The following WFDC1 variants were observed in gnomAD, a reference collection of about 807,000 sequenced individuals.
The protein encoded by WFDC1 is WAP four-disulfide core domain protein 1.
In WFDC1, 39 loss-of-function variants were observed where a neutral mutation model predicts 32.9. The ratio of observed to expected loss-of-function variants is 1.19; its 90% confidence interval spans 0.92 to 1.55. The LOEUF is 1.55. Ranked by LOEUF, WFDC1 falls within the 40% of genes most tolerant of loss-of-function variation. The pLI is 0.00. For synonymous variants in WFDC1, 184 were observed against 137.4 expected (o/e 1.34, Z -2.37); for missense variants, 386 against 309.5 (o/e 1.25, Z -1.85).
At chr16:84,295,325 A>C in intron 1 of WFDC1, 1 of 577,214 alleles carries the variant, frequency 1.7e-6, no homozygotes, top group Non-Finnish European at 3.0e-6. Flanking sequence ...ATCAAGAGGC[A>C]AAAGACACAT....
At chr16:84,301,449 G>A (rs1906928168) in intron 1 of WFDC1, among the ~76,000 whole-genome samples, 1 of 152,198 alleles carries the variant, frequency 6.6e-6, no homozygotes, top group Admixed American at 6.5e-5. Flanking sequence ...TATATCCCCA[G>A]AGTCTGGGAG....
At position 84,295,302 on chromosome 16, in the gene WFDC1, C is replaced by A. The variant is rs527702582; in HGVS notation, c.144+187C>A. 10 of 643,766 alleles carry A rather than the reference C, an allele frequency of 1.6e-5. No individual in the cohort carries two copies. In the Admixed American group the frequency reaches 3.6e-4, roughly 23 times the overall value. 39.9% of individuals were successfully genotyped at this position (643,766 alleles called of 1,614,324 possible). On this transcript the variant is annotated intron_variant, in intron 1 of 6. Coordinates refer to ENST00000219454, the MANE Select transcript of WFDC1 (RefSeq NM_021197.4). ...GATGGGGCTCACCCCCAAAAAAGGA[C>A]CCTTATCTGTGAATCAAGAGGCAAA... is the stretch of plus-strand genomic sequence containing the variant.
intron 1 of WFDC1, among the ~76,000 whole-genome samples, chr16:84,306,827 C>G (rs920563761): frequency 1.3e-5 from 2 of 152,168 alleles, no homozygotes; most frequent in Non-Finnish European, 2.9e-5. Context: ...TTACTGAGTA[C>G]TTGCTATGTG....
chr16:84,326,620 G>A (rs761933211), intron 5 of WFDC1: 2 of 453,880 alleles, frequency 4.4e-6, no homozygotes, highest in Non-Finnish European at 4.0e-6. Context: ...AAGCAATTTG[G>A]CCATCCCCAA....
At chr16:84,298,885 C>G (rs1201743942) in intron 1 of WFDC1, among the ~76,000 whole-genome samples, 5 of 152,238 alleles carry the variant, frequency 3.3e-5, no homozygotes, top group Non-Finnish European at 7.3e-5. Context: ...CGCCTTCTAT[C>G]TCTAAGACCT....
rs190169245 is a variant in WFDC1, at chr16:84,301,913, G to A, written c.144+6798G>A. Among the ~76,000 whole-genome samples the A allele has an allele frequency of 2.2e-3, 334 of 152,302 alleles. 3 individuals carry two copies. The highest frequency in any genetic ancestry group is 7.4e-3 in the African/African-American group (308 of 41,560). On this transcript the variant is annotated intron_variant, in intron 1 of 6. Coordinates refer to ENST00000219454, the MANE Select transcript of WFDC1 (RefSeq NM_021197.4). ...CCAGGTCCCTGTGTGGTTATCACTC[G>A]GGAGAGGGAGACAGGAAAGCAGGAC...
chr16:84,305,401 CCTTCT>C (rs1338837345), intron 1 of WFDC1, among the ~76,000 whole-genome samples: 3 of 152,186 alleles, frequency 2.0e-5, no homozygotes, highest in Non-Finnish European at 4.4e-5. Context: ...CCGCATGGCC[CCTTCT>C]CTTAGGAACT....
chr16:84,309,788 C>A (rs1907501221), intron 1 of WFDC1, among the ~76,000 whole-genome samples: 1 of 152,064 alleles, frequency 6.6e-6, no homozygotes, highest in Non-Finnish European at 1.5e-5. Flanking sequence ...GACGCCATCT[C>A]TGCCTCCCTC....
chr16:84,319,797 T>A (rs1305280714), intron 4 of WFDC1, among the ~76,000 whole-genome samples: 1 of 152,174 alleles, frequency 6.6e-6, no homozygotes, highest in Admixed American at 6.5e-5. Flanking sequence ...GCAGACTGGC[T>A]GCAAACCCCA....
chr16:84,307,542 G>A (rs1361496153), intron 1 of WFDC1, among the ~76,000 whole-genome samples: 1 of 152,136 alleles, frequency 6.6e-6, no homozygotes, highest in Non-Finnish European at 1.5e-5. Flanking sequence ...AGCTCAAATT[G>A]ATCTCTGCGT....
chr16:84,307,836 CT>C (rs1367550290), intron 1 of WFDC1, among the ~76,000 whole-genome samples: 2 of 152,142 alleles, frequency 1.3e-5, no homozygotes, highest in African/African-American at 4.8e-5. Context: ...AGCAAGTGAA[CT>C]GAGAGCTAAT....
intron 1 of WFDC1, among the ~76,000 whole-genome samples, chr16:84,297,476 G>C (rs889003953): frequency 1.9e-4 from 29 of 152,216 alleles, no homozygotes; most frequent in African/African-American, 7.0e-4. Flanking sequence ...AATTAGCTGG[G>C]TGTGGCGGCA....
At chr16:84,297,545 A>G (rs1192912623) in intron 1 of WFDC1, among the ~76,000 whole-genome samples, 2 of 131,298 alleles carry the variant, frequency 1.5e-5, no homozygotes, top group African/African-American at 5.7e-5. Context: ...TGAACCCGGG[A>G]GGTGGAGGTT....
chr16:84,313,496 T>C (rs1437623302), intron 2 of WFDC1, among the ~76,000 whole-genome samples: 1 of 152,210 alleles, frequency 6.6e-6, no homozygotes, highest in African/African-American at 2.4e-5. Context: ...TGCCCGCTGA[T>C]AGGATGCGGG....
At chr16:84,308,295 G>C (rs1175839806) in intron 1 of WFDC1, among the ~76,000 whole-genome samples, 1 of 152,114 alleles carries the variant, frequency 6.6e-6, no homozygotes, top group Non-Finnish European at 1.5e-5. Context: ...GCCCGGACCT[G>C]TTCCCAGGGA....
intron 1 of WFDC1, chr16:84,296,963 C>G (rs1906634358): frequency 6.6e-6 from 1 of 152,216 alleles, no homozygotes; most frequent in African/African-American, 2.4e-5. Flanking sequence ...CTCCTCCATG[C>G]TCTTCTCTGG....
chr16:84,301,729 TG>T (rs1906947457), intron 1 of WFDC1, among the ~76,000 whole-genome samples: 1 of 152,118 alleles, frequency 6.6e-6, no homozygotes, highest in Non-Finnish European at 1.5e-5. Flanking sequence ...GCCCAGAACC[TG>T]GCATGGAGGG....
At chr16:84,302,889 C>G (rs244838) in intron 1 of WFDC1, among the ~76,000 whole-genome samples, 1 of 152,092 alleles carries the variant, frequency 6.6e-6, no homozygotes, top group African/African-American at 2.4e-5. Flanking sequence ...ATGAATGAAT[C>G]AATTATGTTA....
At chr16:84,321,727 C>G (rs1293582347) in intron 4 of WFDC1, among the ~76,000 whole-genome samples, 2 of 152,174 alleles carry the variant, frequency 1.3e-5, no homozygotes, top group African/African-American at 2.4e-5. Flanking sequence ...TTGGAGTGCT[C>G]TCTTTAAATT....
Sources: allele counts gnomAD v4.1 joint callset (sites outside exome capture counted in the v4.1 genomes callset), GRCh38; gene constraint gnomAD v4.1.1; transcripts MANE v1.5; gene names NCBI Gene and HGNC (gene_info 2026-07-23, HGNC 2026-07-21).